Variants in ARHGAP24 observed in about 807,000 individuals in gnomAD.
ARHGAP24 encodes rho GTPase-activating protein 24.
ARHGAP24 carries 50 observed loss-of-function variants against 76.4 expected under a neutral mutation model. The observed-to-expected ratio is 0.65, with a 90% CI of 0.52 to 0.83. The LOEUF (loss-of-function observed/expected upper bound fraction) is 0.83. Among genes scored for constraint, ARHGAP24 ranks in the 40% least tolerant of loss-of-function variants. The pLI, the probability that ARHGAP24 is intolerant of heterozygous loss-of-function variation, is 0.00. For synonymous variants in ARHGAP24, 345 were observed against 323.3 expected, an observed-to-expected ratio of 1.07 and a Z score of -0.72; for missense variants, 930 against 914.2, an observed-to-expected ratio of 1.02 and a Z score of -0.22.
chr4:85,501,863 A>G (rs1387184629), intron 1 of ARHGAP24, among the ~76,000 whole-genome samples: 2 of 152,078 alleles, frequency 1.3e-5, no homozygotes, highest in African/African-American at 2.4e-5. Context: ...TAGGTCTAAC[A>G]TTAAAGTCTT....
chr4:85,661,422 C>A (rs1017836204), intron 2 of ARHGAP24, among the ~76,000 whole-genome samples: 1 of 152,012 alleles, frequency 6.6e-6, no homozygotes, highest in African/African-American at 2.4e-5. Flanking sequence ...TCATATGGTC[C>A]TCCATTATTT....
chr4:85,595,882 T>C (rs778363981), intron 2 of ARHGAP24, among the ~76,000 whole-genome samples: 7 of 151,964 alleles, frequency 4.6e-5, no homozygotes, highest in Non-Finnish European at 1.0e-4. Context: ...ATTAGCAAAA[T>C]GTTAGGGTTG....
chr4:85,617,296 T>C (rs1413615780), intron 2 of ARHGAP24, among the ~76,000 whole-genome samples: 5 of 150,730 alleles, frequency 3.3e-5, no homozygotes, highest in African/African-American at 1.2e-4. Context: ...ACTTAACATT[T>C]TTAAATGTTC....
chr4:85,941,513 C>T (rs1447046868), intron 4 of ARHGAP24, among the ~76,000 whole-genome samples: 1 of 152,116 alleles, frequency 6.6e-6, no homozygotes, highest in Admixed American at 6.6e-5. Context: ...GACAAGCAAA[C>T]ATTGTCTGAA....
intron 3 of ARHGAP24, among the ~76,000 whole-genome samples, chr4:85,821,974 T>C (rs940868370): frequency 1.3e-5 from 2 of 152,162 alleles, no homozygotes; most frequent in African/African-American, 4.8e-5. Context: ...GTTTTGAAAA[T>C]ATTACAGGTT....
intron 3 of ARHGAP24, among the ~76,000 whole-genome samples, chr4:85,785,553 T>C (rs1254184943): frequency 2.0e-5 from 3 of 152,204 alleles, no homozygotes; most frequent in Non-Finnish European, 4.4e-5. Flanking sequence ...TTTTTTCTTT[T>C]TAACAATTAC....
intron 3 of ARHGAP24, among the ~76,000 whole-genome samples, chr4:85,910,760 G>A (rs1242933968): frequency 6.6e-6 from 1 of 152,072 alleles, no homozygotes; most frequent in Non-Finnish European, 1.5e-5. Flanking sequence ...AGGGTTGGAA[G>A]TGCACACAAC....
At chr4:85,531,750 G>A (rs914588380) in intron 1 of ARHGAP24, among the ~76,000 whole-genome samples, 4 of 151,948 alleles carry the variant, frequency 2.6e-5, no homozygotes, top group African/African-American at 9.7e-5. Context: ...TTTAATAAAT[G>A]AAGAAACAAA....
chr4:85,977,493 A>G, intron 7 of ARHGAP24, 77 bp from the exon 8 acceptor site: 2 of 1,523,064 alleles, frequency 1.3e-6, no homozygotes, highest in Non-Finnish European at 1.8e-6. Flanking sequence ...TAGTTTGTAA[A>G]TTTTCTAATG....
chr4:85,545,626 A>G (rs1725893773), intron 1 of ARHGAP24, among the ~76,000 whole-genome samples: 1 of 152,154 alleles, frequency 6.6e-6, no homozygotes, highest in African/African-American at 2.4e-5. Context: ...GGGAAAGAGC[A>G]AAGTCAATGT....
At chr4:85,842,517 A>T (rs1730655593) in intron 3 of ARHGAP24, among the ~76,000 whole-genome samples, 1 of 152,210 alleles carries the variant, frequency 6.6e-6, no homozygotes. Context: ...CATGAAATAT[A>T]CAAAACATTA....
intron 3 of ARHGAP24, among the ~76,000 whole-genome samples, chr4:85,779,895 A>G (rs1176110749): frequency 6.6e-6 from 1 of 152,214 alleles, no homozygotes; most frequent in East Asian, 1.9e-4. Flanking sequence ...TGAATTTTCC[A>G]TAAAGTGAAG....
intron 3 of ARHGAP24, among the ~76,000 whole-genome samples, chr4:85,737,563 T>G (rs1725650059): frequency 6.6e-6 from 1 of 152,200 alleles, no homozygotes; most frequent in Non-Finnish European, 1.5e-5. Context: ...ATGATCTCCA[T>G]GCAAAGTGCA....
At chr4:85,706,956 C>A (rs1404397276) in intron 2 of ARHGAP24, among the ~76,000 whole-genome samples, 2 of 152,042 alleles carry the variant, frequency 1.3e-5, no homozygotes, top group African/African-American at 4.8e-5. Flanking sequence ...TGCTCTGTCA[C>A]CCAGCTAAAG....
chr4:85,576,342 A>G (rs771095502), intron 2 of ARHGAP24, among the ~76,000 whole-genome samples: 13 of 152,102 alleles, frequency 8.5e-5, no homozygotes, highest in Non-Finnish European at 1.6e-4. Flanking sequence ...AGGCAGGAAA[A>G]TGGCGCGAAC....
intron 3 of ARHGAP24, among the ~76,000 whole-genome samples, chr4:85,741,107 C>T (rs1725805894): frequency 6.6e-6 from 1 of 152,212 alleles, no homozygotes; most frequent in Non-Finnish European, 1.5e-5. Flanking sequence ...GGGTCCCTTT[C>T]ACATAACCAT....
At chr4:85,992,795 A>G (rs1740412413) in intron 8 of ARHGAP24, among the ~76,000 whole-genome samples, 1 of 141,286 alleles carries the variant, frequency 7.1e-6, no homozygotes, top group Non-Finnish European at 1.5e-5. Context: ...ATATAATACA[A>G]TCAATTATTA....
At position 85,920,504 on chromosome 4, in the gene ARHGAP24, T is replaced by G. The variant is rs898728427; in HGVS notation, c.269-3144T>G. Among the ~76,000 whole-genome samples the G allele has an allele frequency of 1.8e-4, 28 of 152,042 alleles. 1 individual carries two copies. On this transcript the variant is annotated intron_variant, in intron 3 of 9. Coordinates refer to ENST00000395184, the MANE Select transcript of ARHGAP24 (RefSeq NM_001025616.3). ...TCATGATGAAAATGCCAAAAGCAAT[T>G]TCAAGAAAAGCAAATATTGACAAAT... is the stretch of plus-strand genomic sequence containing the variant.
chr4:85,976,354 G>C (rs1156963947), intron 7 of ARHGAP24, among the ~76,000 whole-genome samples: 1 of 152,100 alleles, frequency 6.6e-6, no homozygotes, highest in Non-Finnish European at 1.5e-5. Context: ...ATCCTCCGGT[G>C]GGTTCAAGTC....
Sources: allele counts gnomAD v4.1 joint callset (sites outside exome capture counted in the v4.1 genomes callset), GRCh38; gene constraint gnomAD v4.1.1; transcripts MANE v1.5; gene names NCBI Gene and HGNC (gene_info 2026-07-23, HGNC 2026-07-21).